The following HFM1 variants were observed in gnomAD, a reference collection of about 807,000 sequenced individuals.
HFM1 encodes the protein probable ATP-dependent DNA helicase HFM1.
In HFM1, 169 loss-of-function variants were observed where a neutral mutation model predicts 192.1. The ratio of observed to expected loss-of-function variants is 0.88; its 90% CI spans 0.78 to 1.00. The LOEUF (loss-of-function observed/expected upper bound fraction) is 1.00. HFM1 is among the 50% of genes least tolerant of loss of function. The pLI is 0.00. For missense variants in HFM1, 1,661 were observed against 1,668.0 expected, an observed-to-expected ratio of 1.00 and a Z score of 0.07; for synonymous variants, 525 against 537.8, an observed-to-expected ratio of 0.98 and a Z score of 0.33.
At chr1:91,272,651 T>G (rs1279520422) in intron 34 of HFM1, among the ~76,000 whole-genome samples, 2 of 151,956 alleles carry the variant, frequency 1.3e-5, no homozygotes, top group South Asian at 2.1e-4. Context: ...GGTTGACAAT[T>G]TTATACTTCC....
intron 20 of HFM1, chr1:91,328,461 T>C: frequency 1.2e-6 from 2 of 1,613,244 alleles, no homozygotes. Context: ...AGAGCTACTT[T>C]GGCCGTAAGG....
In HFM1 at chr1:91,352,636, A is replaced by T; in HGVS notation, c.1847T>A (p.Leu616Ter). The T allele has an allele frequency of 6.2e-7, 1 of 1,606,454 alleles. No individual in the cohort carries two copies. The highest frequency in any genetic ancestry group is 8.5e-7 in the Non-Finnish European group (1 of 1,176,338). Residue 616 changes from leucine to a stop codon, truncating the protein, a stop_gained, in exon 16 of 39, where the codon TTA (leucine) becomes TAA (stop). Transcript: ENST00000370425. LOFTEE classifies it high-confidence loss of function. The part of the protein sequence containing the change: ...DLPVLFTTST[L>*]AMGVNLPAHL... ...AGCAGGCAAATTTACTCCCATAGCT[A>T]AAGTACTGGTAGTAACTGCATCAGA...
intron 13 of HFM1, among the ~76,000 whole-genome samples, chr1:91,360,763 C>T (rs1050912813): frequency 2.6e-5 from 4 of 152,126 alleles, no homozygotes; most frequent in African/African-American, 9.7e-5. Flanking sequence ...AGCTACATGG[C>T]ATGTACTCTA....
At chr1:91,390,000 T>C (rs960070809) in intron 4 of HFM1, among the ~76,000 whole-genome samples, 5 of 152,054 alleles carry the variant, frequency 3.3e-5, no homozygotes, top group African/African-American at 1.2e-4. Flanking sequence ...AAACACACAT[T>C]CACACAAAAA....
intron 32 of HFM1, 115 bp from the exon 33 acceptor site, chr1:91,274,924 G>A (rs1037950606): frequency 3.5e-5 from 18 of 509,648 alleles, no homozygotes; most frequent in African/African-American, 3.4e-4. Flanking sequence ...CAATGAATTA[G>A]GAGAAACTCA....
chr1:91,282,359 G>A (rs1179558477), intron 30 of HFM1, among the ~76,000 whole-genome samples: 1 of 150,550 alleles, frequency 6.6e-6, no homozygotes, highest in Non-Finnish European at 1.5e-5. Context: ...ATTCAGTTTT[G>A]TGGTTGCAAT....
chr1:91,277,766 C>T (rs1332918496), intron 30 of HFM1, among the ~76,000 whole-genome samples: 6 of 114,072 alleles, frequency 5.3e-5, no homozygotes, highest in African/African-American at 2.1e-4. Context: ...ATAATATATA[C>T]TAATATATAT....
Position 91,306,451 on chromosome 1 carries a change from G to A in HFM1, c.3391+6898C>T, listed in dbSNP as rs1156305230. 2.6e-5 allele frequency among the ~76,000 whole-genome samples: 4 copies of A among 151,970 alleles called. No individual in the cohort carries two copies. The South Asian group carries it at 6.2e-4, about 24-fold the overall frequency. ...AAACTTTTTTGACACCTATCAAGAGGATCAAATCATTTTCTCCTTTTTCTC... is the reference window on the plus strand; with the variant it reads ...AAACTTTTTTGACACCTATCAAGAGAATCAAATCATTTTCTCCTTTTTCTC... On this transcript the variant is annotated intron_variant, in intron 30 of 38. Coordinates refer to ENST00000370425, the MANE Select transcript of HFM1 (RefSeq NM_001017975.6).
At chr1:91,343,667 TA>T (rs1308212938) in intron 19 of HFM1, among the ~76,000 whole-genome samples, 157 bp from the exon 20 acceptor site, 1 of 152,078 alleles carries the variant, frequency 6.6e-6, no homozygotes, top group African/African-American at 2.4e-5. Flanking sequence ...CTCATTTAAA[TA>T]AAAAAGCTAA....
chr1:91,396,979 C>A (rs1015687898), intron 2 of HFM1, among the ~76,000 whole-genome samples: 1 of 152,128 alleles, frequency 6.6e-6, no homozygotes, highest in Non-Finnish European at 1.5e-5. Flanking sequence ...GGAGTGCGAG[C>A]CCTATCATGA....
intron 2 of HFM1, among the ~76,000 whole-genome samples, chr1:91,398,229 C>T (rs1174207403): frequency 6.6e-6 from 1 of 152,182 alleles, no homozygotes; most frequent in Non-Finnish European, 1.5e-5. Flanking sequence ...TATTCTGCCT[C>T]TTAATAAAAT....
At position 91,353,068 on chromosome 1, in the gene HFM1, C is replaced by T; in HGVS notation, c.1814G>A (p.Gly605Glu). ...TTACTTACAAAGAACTGGTAAATCT[C>T]CAACAGTAAAAGCTCCCTCAACTAC... Reference protein sequence around the residue: ...RKVVEGAFTVGDLPVLFTTST... With the variant: ...RKVVEGAFTVEDLPVLFTTST... The change falls in exon 15 of 39, where the codon GGA becomes GAA. Residue 605 changes from glycine (G) to glutamate (E), a missense_variant. By Grantham distance (98) the Gly-to-Glu change is moderately conservative (BLOSUM62 -2). Coordinates refer to ENST00000370425, the MANE Select transcript of HFM1 (RefSeq NM_001017975.6). The T allele has an allele frequency of 6.2e-7, 1 of 1,600,402 alleles. No individual in the cohort carries two copies. The highest frequency in any genetic ancestry group is 8.6e-7 in the Non-Finnish European group (1 of 1,168,544).
chr1:91,287,943 C>T (rs1344498430), intron 30 of HFM1, among the ~76,000 whole-genome samples: 4 of 151,906 alleles, frequency 2.6e-5, no homozygotes, highest in African/African-American at 7.2e-5. Context: ...TGAAATGAAG[C>T]GAGAAGGGAA....
chr1:91,406,930 C>T (rs1310781047), upstream of HFM1, among the ~76,000 whole-genome samples: 1 of 152,208 alleles, frequency 6.6e-6, no homozygotes, highest in Non-Finnish European at 1.5e-5. Context: ...TCCAGCTTAG[C>T]AAGACAGGCT....
intron 30 of HFM1, among the ~76,000 whole-genome samples, chr1:91,288,935 C>T (rs1407631042): frequency 1.3e-5 from 2 of 151,200 alleles, no homozygotes; most frequent in Non-Finnish European, 3.0e-5. Context: ...GGGCTCCTCA[C>T]TTCCCAGACG....
chr1:91,261,380 TA>T, intron 38 of HFM1, 21 bp from the exon 39 acceptor site: 1 of 1,142,430 alleles, frequency 8.8e-7, no homozygotes, highest in East Asian at 2.9e-5. Flanking sequence ...GAAGAAAAAG[TA>T]AAAATAACTA....
chr1:91,334,552 C>T (rs765551021), intron 20 of HFM1, among the ~76,000 whole-genome samples: 5 of 151,818 alleles, frequency 3.3e-5, no homozygotes, highest in South Asian at 2.1e-4. Flanking sequence ...TAAGTTATTC[C>T]GGAAATAGAA....
intron 30 of HFM1, among the ~76,000 whole-genome samples, chr1:91,294,461 T>C (rs147329296): frequency 3.3e-4 from 50 of 152,350 alleles, no homozygotes; most frequent in African/African-American, 1.2e-3. Context: ...TCATAGGTAA[T>C]TCAATCTCCT....
intron 1 of HFM1, 94 bp downstream of exon 1, chr1:91,404,704 G>A (rs1455687932): frequency 5.2e-6 from 2 of 387,538 alleles, no homozygotes; most frequent in South Asian, 3.7e-5. Flanking sequence ...GAGATCGACC[G>A]CTGCCCGGAC....
Sources: gnomAD v4.1 joint callset for allele counts (sites outside exome capture counted in the v4.1 genomes callset) on GRCh38, gnomAD v4.1.1 for gene constraint, MANE v1.5 for transcripts, NCBI Gene and HGNC (gene_info 2026-07-23, HGNC 2026-07-21) for gene names.